MYOM2: variants seen among roughly 807,000 people sequenced by gnomAD.
MYOM2 encodes the protein myomesin-2.
In MYOM2, 254 loss-of-function variants were observed where a neutral mutation model predicts 187.6. That is an observed-to-expected ratio of 1.35 (90% confidence interval 1.22 to 1.50). The LOEUF (loss-of-function observed/expected upper bound fraction) is 1.50, where lower values mean the gene tolerates loss of function less well. Among genes scored for constraint, MYOM2 ranks in the 40% most tolerant of loss-of-function variants. The probability of loss-of-function intolerance (pLI) is 0.00; values close to 1 mark genes in which losing one functional copy is unlikely to be tolerated. For missense variants in MYOM2, 2,796 were observed against 1,924.0 expected, an observed-to-expected ratio of 1.45 and a Z score of -8.48; for synonymous variants, 981 against 753.8, an observed-to-expected ratio of 1.30 and a Z score of -4.94.
chr8:2,083,395 T>C (rs1819697739), intron 13 of MYOM2, among the ~76,000 whole-genome samples: 1 of 152,304 alleles, frequency 6.6e-6, no homozygotes, highest in East Asian at 1.9e-4. Context: ...GCATCTCACA[T>C]GTGCCTAGTG....
rs543573983 is a variant in MYOM2 at position 2,103,585 on chromosome 8, A to G, written c.2734+804A>G. 4.9e-4 allele frequency among the ~76,000 whole-genome samples: 71 copies of G among 145,868 alleles called. 1 individual carries two copies. The highest frequency in any genetic ancestry group is 2.4e-3 in the Admixed American group (35 of 14,714). ...TAAATGAGTGGGAGAGTGTGCATGT[A>G]TTATGTGTATATGTGTATATATGTA... On this transcript the variant is annotated intron_variant, in intron 21 of 36. Transcript: ENST00000262113.
rs1413934526 is a variant in MYOM2, at chr8:2,106,327, G to C, written c.2820G>C (p.Gln940His). The C allele has an allele frequency of 2.5e-6, 4 of 1,614,112 alleles. No homozygotes were observed. The Admixed American group carries it at 5.0e-5, about 20-fold the overall frequency. ...FDCQEMTDAS[Q>H]FTWCKSYEEI... ...GCCAGGAAATGACAGACGCGTCTCA[G>C]TTCACCTGGTGTAAATCCTACGAGG... The change falls in exon 22 of 37, where the codon CAG becomes CAC. Residue 940 changes from glutamine (Q) to histidine (H), a missense_variant. Transcript: ENST00000262113.
At chr8:2,075,055 A>G (rs1380274361) in intron 10 of MYOM2, among the ~76,000 whole-genome samples, 2 of 152,134 alleles carry the variant, frequency 1.3e-5, no homozygotes, top group African/African-American at 4.8e-5. Context: ...TACTTTTTCC[A>G]TTGCATCCAT....
At position 2,098,881 on chromosome 8, in the gene MYOM2, C is replaced by T; in HGVS notation, c.2338C>T (p.Leu780Phe). The change falls in exon 19 of 37, where the codon CTC (leucine) becomes TTC (phenylalanine). Residue 780 changes from leucine (L) to phenylalanine (F), a missense_variant. Transcript: ENST00000262113. ...LTVDGLTEGS[L>F]YEFKIAAVNL... ...GGTGGACGGCTTGACGGAAGGCTCA[C>T]TCTACGAGTTCAAAATCGCCGCCGT... 1 of 1,613,448 alleles carries T rather than the reference C, an allele frequency of 6.2e-7. No individual in the cohort carries two copies. Among genetic ancestry groups the T allele is most frequent in the Non-Finnish European group, 8.5e-7 (1 of 1,179,722 alleles).
In MYOM2 at chr8:2,069,166, A is replaced by T. The variant is rs1585846336; in HGVS notation, c.654-112A>T. ...TTGTTCTTGCACAAATCACTCATGA[A>T]CAAATAAACCACGCCATGTGATTTG... is the stretch of plus-strand genomic sequence containing the variant. On this transcript the variant is annotated intron_variant, in intron 6 of 36. Coordinates refer to ENST00000262113, the MANE Select transcript of MYOM2 (RefSeq NM_003970.4). The T allele has an allele frequency of 2.9e-6, 3 of 1,024,190 alleles. No individual in the cohort carries two copies. In the African/African-American group the frequency reaches 4.8e-5, roughly 16 times the overall value. The allele number at this position is 1,024,190 out of a possible 1,614,324, so 63.4% of individuals were successfully genotyped here.
chr8:2,072,318 C>A lies in MYOM2; in HGVS notation c.794-27C>A, dbSNP rs55711749. ...GTTTCATGCTCTCTGCCCTTCGGCC[C>A]TGAAAGCCTCCATCGTTTCTGTGCA... On this transcript the variant is annotated intron_variant, in intron 8 of 36. Transcript: ENST00000262113. 9.4e-6 allele frequency: 15 copies of A among 1,597,086 alleles called. No homozygotes were observed. In the African/African-American group the frequency reaches 1.2e-4, roughly 13 times the overall value.
chr8:2,073,365 A>G lies in MYOM2; in HGVS notation c.985A>G (p.Thr329Ala), dbSNP rs1819302159. The change falls in exon 10 of 37, where the codon ACG becomes GCG. Residue 329 changes from threonine to alanine, a missense_variant. Thr to Ala is a moderately conservative substitution (Grantham distance 58). Transcript: ENST00000262113. ...CGTGCTGTTGAAAGAGTCCAAGTGG[A>G]CGAAGATGTTCTTTGGAGAAGGCCA... ...DDVLLKESKW[T>A]KMFFGEGQAS... 6.2e-7 allele frequency: 1 copy of G among 1,612,232 alleles called. No individual in the cohort carries two copies. Among genetic ancestry groups the G allele is most frequent in the South Asian group, 1.1e-5 (1 of 90,852 alleles).
intron 23 of MYOM2, among the ~76,000 whole-genome samples, chr8:2,107,930 G>A (rs1010630290): frequency 2.6e-5 from 4 of 152,164 alleles, no homozygotes; most frequent in African/African-American, 9.7e-5. Context: ...ATTGTGTATA[G>A]ACTTCAAATA....
chr8:2,143,365 A>G, intron 35 of MYOM2, 36 bp from the exon 36 acceptor site: 1 of 1,613,920 alleles, frequency 6.2e-7, no homozygotes, highest in Non-Finnish European at 8.5e-7. Flanking sequence ...AACGTCCCGC[A>G]GATGTTTTCC....
At chr8:2,079,716 C>T (rs973618274) in intron 13 of MYOM2, 103 bp downstream of exon 13, 173 of 1,240,654 alleles carry the variant, frequency 1.4e-4, no homozygotes, top group Non-Finnish European at 8.4e-5. Flanking sequence ...TGGGCACGGC[C>T]TCTGCATGGA....
chr8:2,140,944 C>T (rs1441363598), intron 33 of MYOM2, 58 bp downstream of exon 33: 9 of 1,520,258 alleles, frequency 5.9e-6, no homozygotes, highest in South Asian at 2.5e-5. Context: ...CATTTAGATG[C>T]TGAAGGGAGG....
chr8:2,049,341 C>T (rs1486678128), intron 1 of MYOM2, among the ~76,000 whole-genome samples: 1 of 152,210 alleles, frequency 6.6e-6, no homozygotes, highest in Non-Finnish European at 1.5e-5. Flanking sequence ...CCCTCGTGTC[C>T]TGTTTTCTTC....
chr8:2,080,620 C>G (rs187051336), intron 13 of MYOM2, among the ~76,000 whole-genome samples: 87 of 152,304 alleles, frequency 5.7e-4, no homozygotes, highest in African/African-American at 2.0e-3. Flanking sequence ...TTGAGGAGGA[C>G]AACTTCTTGC....
rs201601749 is a variant in MYOM2 at position 2,143,421 on chromosome 8, G to T, written c.4045G>T (p.Gly1349Cys). 1 of 1,614,100 alleles carries T rather than the reference G, an allele frequency of 6.2e-7. No homozygotes were observed. Among genetic ancestry groups the T allele is most frequent in the Non-Finnish European group, 8.5e-7 (1 of 1,180,026 alleles). ...TGCAGATCGTGGCAGGTTGATCGGC[G>T]GCTTGCCTGACGTGGTGACCATCAT... ...AEKNRGRLIGGLPDVVTIMEG... is the reference protein window; with the variant it reads ...AEKNRGRLIGCLPDVVTIMEG... Residue 1349 changes from glycine (G) to cysteine (C), a missense_variant, in exon 36 of 37, where the codon GGC (glycine) becomes TGC (cysteine). Physicochemically the swap from Gly to Cys is radical, Grantham distance 159 (BLOSUM62 -3). Transcript: ENST00000262113.
Position 2,055,619 on chromosome 8 carries a change from C to T in MYOM2, c.264-1729C>T, listed in dbSNP as rs922463367. Among the ~76,000 whole-genome samples, 5 of 152,164 alleles carry T rather than the reference C, an allele frequency of 3.3e-5. 1 individual carries two copies. In the South Asian group the frequency reaches 6.2e-4, roughly 19 times the overall value. The stretch of plus-strand genomic sequence containing the variant: ...GGGTTCCTCCCACCTCATTTCTGTA[C>T]GAAGAGGCTGCAGACTTCTGCAATT... On this transcript the variant is annotated intron_variant, in intron 3 of 36. Transcript: ENST00000262113.
intron 31 of MYOM2, among the ~76,000 whole-genome samples, chr8:2,127,577 A>C (rs1302554736): frequency 6.6e-6 from 1 of 151,814 alleles, no homozygotes; most frequent in Non-Finnish European, 1.5e-5. Flanking sequence ...GGCAGGCAGT[A>C]CCTCGGCGTG....
intron 32 of MYOM2, among the ~76,000 whole-genome samples, chr8:2,139,235 G>T (rs74328598): frequency 0.014 from 2,127 of 152,108 alleles, 37 homozygotes; most frequent in East Asian, 0.045. Context: ...TGACCTCCTC[G>T]GGCTCAGGCA....
chr8:2,065,293 A>G (rs914228848), intron 6 of MYOM2, among the ~76,000 whole-genome samples: 1 of 152,210 alleles, frequency 6.6e-6, no homozygotes, highest in African/African-American at 2.4e-5. Flanking sequence ...TTGGCAGGCC[A>G]GGCACGGTGG....
At position 2,093,983 on chromosome 8, in the gene MYOM2, G is replaced by T; in HGVS notation, c.2017G>T (p.Gly673Cys). The T allele has an allele frequency of 6.2e-7, 1 of 1,614,128 alleles. No individual in the cohort carries two copies. Among genetic ancestry groups the T allele is most frequent in the Non-Finnish European group, 8.5e-7 (1 of 1,180,028 alleles). The change falls in exon 17 of 37, where the codon GGC becomes TGC. Residue 673 changes from glycine (G) to cysteine (C), a missense_variant. Coordinates refer to ENST00000262113, the MANE Select transcript of MYOM2 (RefSeq NM_003970.4). ...TGTGTTTCTCAGGTTCGTGGTGCAC[G>T]GCTTAACCACGGGAGAGCAGTACAT... ...PIGYNRFVVH[G>C]LTTGEQYIFR...
Sources: allele counts gnomAD v4.1 joint callset (sites outside exome capture counted in the v4.1 genomes callset), GRCh38; gene constraint gnomAD v4.1.1; transcripts MANE v1.5; gene names NCBI Gene and HGNC (gene_info 2026-07-23, HGNC 2026-07-21).